The following PRDM10 variants were observed in gnomAD, a reference collection of about 807,000 sequenced individuals.
PRDM10 encodes the protein PR domain zinc finger protein 10.
PRDM10 carries 65 observed loss-of-function variants against 133.1 expected under a neutral mutation model. The observed-to-expected ratio is 0.49, with a 90% CI of 0.40 to 0.60. PRDM10 has a LOEUF of 0.60. Among genes scored for constraint, PRDM10 ranks in the 20% least tolerant of loss-of-function variants. The pLI, the probability that PRDM10 is intolerant of heterozygous loss-of-function variation, is 0.00. For missense variants in PRDM10, 1,137 were observed against 1,507.1 expected (o/e 0.75, Z 4.07); for synonymous variants, 582 against 580.4 (o/e 1.00, Z -0.04).
chr11:129,982,147 T>C (rs932991493), intron 1 of PRDM10, among the ~76,000 whole-genome samples: 33 of 151,896 alleles, frequency 2.2e-4, no homozygotes, highest in Admixed American at 2.2e-3. Flanking sequence ...TGATCCCAGC[T>C]ACTCCGGAGG....
rs559448065 is a variant in PRDM10 at position 129,944,457 on chromosome 11, C to T, written c.762+314G>A. On this transcript the variant is annotated intron_variant, in intron 6 of 20. Transcript: ENST00000360871. ...GAAATTAGCCGGGCGTGGTGGCGGG[C>T]GCCTGTAGTCCCAGCTACTCGGGAG... 1.5e-4 allele frequency among the ~76,000 whole-genome samples: 23 copies of T among 151,970 alleles called. No individual in the cohort carries two copies. In the East Asian group the frequency reaches 2.5e-3, roughly 17 times the overall value.
intron 1 of PRDM10, among the ~76,000 whole-genome samples, chr11:129,975,356 C>T (rs1397333956): frequency 6.6e-6 from 1 of 151,394 alleles, no homozygotes; most frequent in East Asian, 1.9e-4. Context: ...CCTGGGGAGG[C>T]GGAGGTTGCA....
At chr11:129,944,399 G>A (rs866993804) in intron 6 of PRDM10, among the ~76,000 whole-genome samples, 10 of 150,526 alleles carry the variant, frequency 6.6e-5, no homozygotes, top group African/African-American at 1.5e-4. Flanking sequence ...TCGAGACCAC[G>A]GTGAAACCCC....
At position 129,947,739 on chromosome 11, in the gene PRDM10, C is replaced by A; in HGVS notation, c.295-369G>T. 1 of 411,076 alleles carries A rather than the reference C, an allele frequency of 2.4e-6. No individual in the cohort carries two copies. The highest frequency in any genetic ancestry group is 4.5e-6 in the Non-Finnish European group (1 of 223,562). 25.5% of individuals were successfully genotyped at this position (411,076 alleles called of 1,614,324 possible). A position where few individuals can be genotyped will look rare whatever the true frequency, so the allele number is the denominator to read the frequency against. ...AAAACTTAATAAAACCTGGTCTCTT[C>A]CTGGCTCATTCAGCCGTTTCACACT... is the stretch of plus-strand genomic sequence containing the variant. On this transcript the variant is annotated intron_variant, in intron 4 of 20. Transcript: ENST00000360871. The surrounding 1 kb of genome is among the most constrained non-coding windows in gnomAD (Gnocchi z 4.6).
At chr11:129,972,968 G>C (rs1252727635) in intron 1 of PRDM10, among the ~76,000 whole-genome samples, 1 of 152,144 alleles carries the variant, frequency 6.6e-6, no homozygotes, top group Non-Finnish European at 1.5e-5. Flanking sequence ...CAAGAGACGA[G>C]CCCTCCCTCC....
At chr11:129,928,615 G>A (rs544215787) in intron 11 of PRDM10, among the ~76,000 whole-genome samples, 36 of 151,856 alleles carry the variant, frequency 2.4e-4, no homozygotes, top group Non-Finnish European at 4.3e-4. Flanking sequence ...GGTTGGTCTC[G>A]AACTCCTGGG....
chr11:129,929,551 G>A (rs1178137549), intron 11 of PRDM10: 2 of 765,986 alleles, frequency 2.6e-6, no homozygotes, highest in Non-Finnish European at 4.0e-6. Flanking sequence ...TTTTTAGAAT[G>A]TGTGAGAGAA....
At chr11:129,926,609 T>G (rs561443630) in intron 11 of PRDM10, among the ~76,000 whole-genome samples, 101 of 152,366 alleles carry the variant, frequency 6.6e-4, no homozygotes, top group African/African-American at 2.2e-3. Context: ...ATAATTACTA[T>G]GTAACAAGAG....
chr11:129,900,289 T>C lies in PRDM10; in HGVS notation c.*2024A>G, dbSNP rs1182411735. 3 of 152,220 alleles carry C rather than the reference T, an allele frequency of 2.0e-5. No homozygotes were observed. Among genetic ancestry groups the C allele is most frequent in the African/African-American group, 7.2e-5 (3 of 41,434 alleles). 9.4% of individuals were successfully genotyped at this position (152,220 alleles called of 1,614,324 possible). A position where few individuals can be genotyped will look rare whatever the true frequency, so the allele number is the denominator to read the frequency against. ...CGATTTGGCTCGACTGCCATCCGCA[T>C]CTCTGGCTGATAATATACAAATTAG... is the stretch of plus-strand genomic sequence containing the variant. On this transcript the variant is annotated 3_prime_UTR_variant, in exon 21 of 21. Coordinates refer to ENST00000360871, the MANE Select transcript of PRDM10 (RefSeq NM_199437.2).
At chr11:129,970,370 C>T (rs78414056) in intron 1 of PRDM10, among the ~76,000 whole-genome samples, 4,044 of 152,232 alleles carry the variant, frequency 0.027, 129 homozygotes, top group East Asian at 0.1. Flanking sequence ...GCCTGGGTAA[C>T]AGAGCTAGGA....
chr11:129,902,538 C>A (rs1949874672), intron 20 of PRDM10, 22 bp from the exon 21 acceptor site: 6 of 1,607,704 alleles, frequency 3.7e-6, no homozygotes, highest in African/African-American at 1.3e-5. Flanking sequence ...AGAAAAGGAT[C>A]CTTAAAAACT....
At chr11:129,987,872 G>T (rs12787786) in intron 1 of PRDM10, among the ~76,000 whole-genome samples, 11,186 of 152,136 alleles carry the variant, frequency 0.074, 836 homozygotes, top group East Asian at 0.43. Flanking sequence ...GCAGTGGCAG[G>T]TGCCTGTAGT....
chr11:129,908,007 G>A (rs547551295), intron 19 of PRDM10, among the ~76,000 whole-genome samples: 21 of 152,038 alleles, frequency 1.4e-4, no homozygotes, highest in African/African-American at 4.6e-4. Flanking sequence ...GGCTGGGGCA[G>A]GAGGATGGCT....
chr11:129,951,022 C>T (rs1189275838), intron 4 of PRDM10, among the ~76,000 whole-genome samples: 9 of 152,146 alleles, frequency 5.9e-5, no homozygotes, highest in Non-Finnish European at 8.8e-5. Context: ...GCTCTAAAAG[C>T]GGAGTTTGGA....
At chr11:129,974,221 T>C (rs1019840183) in intron 1 of PRDM10, among the ~76,000 whole-genome samples, 2 of 152,336 alleles carry the variant, frequency 1.3e-5, no homozygotes, top group South Asian at 4.1e-4. Flanking sequence ...TAAGCACTTA[T>C]ATATGTTACA....
intron 1 of PRDM10, among the ~76,000 whole-genome samples, chr11:129,978,639 A>G (rs12795082): frequency 0.24 from 36,168 of 152,096 alleles, 7,395 homozygotes; most frequent in East Asian, 0.57. Flanking sequence ...CTCTCCATGA[A>G]GTGTCCCTTT....
chr11:129,955,467 G>A (rs57822971), intron 4 of PRDM10, 45 bp downstream of exon 4: 76,648 of 1,578,368 alleles, frequency 0.049, 4,833 homozygotes, highest in East Asian at 0.36. Flanking sequence ...AGGCGCAGTG[G>A]CATTCACAGT....
intron 12 of PRDM10, among the ~76,000 whole-genome samples, chr11:129,924,598 C>T (rs1327078568): frequency 6.6e-6 from 1 of 152,158 alleles, no homozygotes; most frequent in Admixed American, 6.5e-5. Flanking sequence ...AAGCAATAGA[C>T]ATTGACATGG....
chr11:129,918,514 G>A lies in PRDM10; in HGVS notation c.2214+25C>T, dbSNP rs1208614175. 1 of 1,605,678 alleles carries A rather than the reference G, an allele frequency of 6.2e-7. No individual in the cohort carries two copies. On this transcript the variant is annotated intron_variant, in intron 14 of 20. Transcript: ENST00000360871. The surrounding 1 kb of genome is among the most constrained non-coding windows in gnomAD (Gnocchi z 5.3). ...AATGAGGTATGCTGGGAAGACAGAG[G>A]AACCCGCAGCCACTGGGCACTGACC...
Sources: gnomAD v4.1 joint callset for allele counts (sites outside exome capture counted in the v4.1 genomes callset) on GRCh38, gnomAD v4.1.1 for gene constraint, Gnocchi (gnomAD v3.1) non-coding constraint, MANE v1.5 for transcripts, NCBI Gene and HGNC (gene_info 2026-07-23, HGNC 2026-07-21) for gene names.